Variants in ATP2C1 observed in about 807,000 individuals in gnomAD.
The protein encoded by ATP2C1 is ATPase secretory pathway Ca2+ transporting 1.
A neutral mutation model predicts 120.5 loss-of-function variants in ATP2C1; 31 were observed. The ratio of observed to expected loss-of-function variants is 0.26; its 90% CI spans 0.19 to 0.35. The LOEUF is 0.35. Ranked by LOEUF, ATP2C1 falls within the 10% of genes least tolerant of loss-of-function variation. The pLI is 1.00. For synonymous variants in ATP2C1, 351 were observed against 358.7 expected, an observed-to-expected ratio of 0.98 and a Z score of 0.24; for missense variants, 731 against 1,107.5, an observed-to-expected ratio of 0.66 and a Z score of 4.83.
At chr3:130,856,569 C>T (rs2067848558) in intron 1 of ATP2C1, among the ~76,000 whole-genome samples, 1 of 152,158 alleles carries the variant, frequency 6.6e-6, no homozygotes, top group African/African-American at 2.4e-5. Flanking sequence ...TTTGAAAAGT[C>T]ATGAAATGCT....
Position 131,001,452 on chromosome 3 carries a change from A to G in ATP2C1, c.*102A>G, listed in dbSNP as rs1224247984. 3.9e-5 allele frequency: 58 copies of G among 1,479,994 alleles called. No individual in the cohort carries two copies. The East Asian group carries it at 1.3e-3, about 34-fold the overall frequency. The allele number at this position is 1,479,994 out of a possible 1,614,324, so 91.7% of individuals were successfully genotyped here. On this transcript the variant is annotated 3_prime_UTR_variant, in exon 28 of 28. Transcript: ENST00000510168. ...ATGAAGATTTGAGAACTTTTTAACT[A>G]TTCATTGACTAAAAATGAACATTAA...
chr3:130,990,181 T>C (rs764101322), intron 20 of ATP2C1, among the ~76,000 whole-genome samples: 8 of 151,950 alleles, frequency 5.3e-5, no homozygotes, highest in Non-Finnish European at 1.2e-4. Flanking sequence ...TATTTGTCTT[T>C]ATAGAGCGCT....
chr3:130,979,868 C>T (rs940590270), intron 19 of ATP2C1, among the ~76,000 whole-genome samples: 10 of 151,898 alleles, frequency 6.6e-5, no homozygotes, highest in Admixed American at 2.0e-4. Context: ...TTAAGATTAC[C>T]GTAAGAAGTA....
intron 20 of ATP2C1, among the ~76,000 whole-genome samples, chr3:130,987,550 C>T (rs142248699): frequency 0.014 from 2,114 of 148,446 alleles, 45 homozygotes; most frequent in African/African-American, 0.05. Context: ...AGGTTGGTCT[C>T]AAACTCCTGG....
At position 130,969,368 on chromosome 3, in the gene ATP2C1, C is replaced by G; in HGVS notation, c.1385C>G (p.Ala462Gly). The change falls in exon 17 of 28, where the codon GCT becomes GGT. Residue 462 changes from alanine (A) to glycine (G), a missense_variant. This residue lies in a region of ATP2C1 where 571 missense variants were observed against 845.9 expected (regional missense o/e 0.67). Coordinates refer to ENST00000510168, the MANE Select transcript of ATP2C1 (RefSeq NM_001378687.1). ...TTTAGCTCTGAGCAAAAGTGGATGGCTGTTAAGTGTGTACACCGAACACAG... is the reference window on the plus strand; with the variant it reads ...TTTAGCTCTGAGCAAAAGTGGATGGGTGTTAAGTGTGTACACCGAACACAG... ...YPFSSEQKWM[A>G]VKCVHRTQQD... 6.2e-7 allele frequency: 1 copy of G among 1,613,822 alleles called. No individual in the cohort carries two copies. Among genetic ancestry groups the G allele is most frequent in the Non-Finnish European group, 8.5e-7 (1 of 1,179,800 alleles).
At chr3:130,984,190 C>T (rs1178204334) in intron 20 of ATP2C1, among the ~76,000 whole-genome samples, 1 of 152,084 alleles carries the variant, frequency 6.6e-6, no homozygotes, top group Non-Finnish European at 1.5e-5. Context: ...AACTGGAATC[C>T]AGGTCTGTAT....
At chr3:130,955,175 G>A in intron 10 of ATP2C1, 95 bp downstream of exon 10, 1 of 893,474 alleles carries the variant, frequency 1.1e-6, no homozygotes, top group East Asian at 2.5e-5. Flanking sequence ...ACTATTGAGA[G>A]CAATATTTTA....
In ATP2C1 at chr3:130,894,621, T is replaced by C. The variant is rs1576614454; in HGVS notation, c.-149T>C. ...CTGCTAGGGGTGGTGGGAGCAGCCG[T>C]GGGACGCGTGGCCGGGAGCGGGGGT... On this transcript the variant is annotated 5_prime_UTR_variant, in exon 2 of 28. Transcript: ENST00000510168. The surrounding 1 kb of genome is among the most constrained non-coding windows in gnomAD (Gnocchi z 4.5). The C allele has an allele frequency of 6.3e-7, 1 of 1,590,882 alleles. No homozygotes were observed.
intron 1 of ATP2C1, among the ~76,000 whole-genome samples, chr3:130,853,752 G>A (rs936938033): frequency 2.0e-5 from 3 of 152,086 alleles, no homozygotes; most frequent in African/African-American, 7.2e-5. Flanking sequence ...ATTTCATGTC[G>A]ATATTCGTGC....
intron 2 of ATP2C1, among the ~76,000 whole-genome samples, chr3:130,929,314 T>C (rs1021393351): frequency 2.0e-5 from 3 of 152,230 alleles, no homozygotes; most frequent in African/African-American, 4.8e-5. Flanking sequence ...AGACTTTTTT[T>C]CCTCAGCAAT....
At chr3:130,858,231 G>C (rs1230666769) in intron 1 of ATP2C1, among the ~76,000 whole-genome samples, 2 of 151,940 alleles carry the variant, frequency 1.3e-5, no homozygotes, top group Non-Finnish European at 2.9e-5. Context: ...TACCCTCATA[G>C]ACACATCCAG....
At chr3:130,982,914 T>TA (rs1290846080) in intron 20 of ATP2C1, among the ~76,000 whole-genome samples, 2 of 152,184 alleles carry the variant, frequency 1.3e-5, no homozygotes, top group Non-Finnish European at 2.9e-5. Flanking sequence ...GTTAACCTAT[T>TA]ATGACTTAAA....
Position 130,932,023 on chromosome 3 carries a change from C to T in ATP2C1, c.119C>T (p.Ala40Val), listed in dbSNP as rs1259435861. The T allele has an allele frequency of 1.3e-6, 2 of 1,594,016 alleles. No homozygotes were observed. The highest frequency in any genetic ancestry group is 1.7e-5 in the Admixed American group (1 of 59,984). The change falls in exon 4 of 28, where the codon GCT becomes GTT. Residue 40 changes from alanine to valine, a missense_variant and splice_region_variant. Around this residue, in one of 3 missense-constraint regions of ATP2C1, gnomAD observed 571 missense variants for 845.9 expected, o/e 0.67. Transcript: ENST00000510168. ...ACTTTCATGTATAAACTCTAATAGG[C>T]TGATCTTCAGAATGGTCTAAACAAA... ...PVSEVASILQ[A>V]DLQNGLNKCE...
intron 11 of ATP2C1, among the ~76,000 whole-genome samples, chr3:130,956,560 T>C (rs1226113010): frequency 6.6e-6 from 1 of 151,928 alleles, no homozygotes; most frequent in Non-Finnish European, 1.5e-5. Flanking sequence ...TGGGAAAACA[T>C]ATAAGAAGAC....
At chr3:130,941,337 G>A (rs2059911226) in intron 7 of ATP2C1, among the ~76,000 whole-genome samples, 1 of 151,996 alleles carries the variant, frequency 6.6e-6, no homozygotes, top group African/African-American at 2.4e-5. Flanking sequence ...CCTGTTCTGG[G>A]TATAGTGATT....
chr3:130,920,234 G>T (rs1000318188), intron 2 of ATP2C1, among the ~76,000 whole-genome samples: 13 of 152,094 alleles, frequency 8.5e-5, no homozygotes, highest in African/African-American at 1.2e-4. Context: ...TTATGCTTTT[G>T]GTATTAAATC....
At chr3:130,985,986 T>C (rs2061991184) in intron 20 of ATP2C1, among the ~76,000 whole-genome samples, 1 of 152,166 alleles carries the variant, frequency 6.6e-6, no homozygotes, top group Admixed American at 6.5e-5. Flanking sequence ...TTCAGGAGTT[T>C]AGACTTTAGG....
upstream of ATP2C1, among the ~76,000 whole-genome samples, chr3:130,889,932 T>C (rs1331428656): frequency 1.3e-5 from 2 of 152,174 alleles, no homozygotes; most frequent in African/African-American, 4.8e-5. Flanking sequence ...AGGTGTGAGA[T>C]GCACCAGAAA....
At chr3:130,995,870 C>T (rs1014416258) in intron 22 of ATP2C1, among the ~76,000 whole-genome samples, 173 bp from the exon 23 acceptor site, 3 of 152,154 alleles carry the variant, frequency 2.0e-5, no homozygotes, top group Admixed American at 6.5e-5. Flanking sequence ...GGTCCGAACT[C>T]GTGACCCCAG....
Sources: allele counts gnomAD v4.1 joint callset (sites outside exome capture counted in the v4.1 genomes callset), GRCh38; gene constraint gnomAD v4.1.1; regional missense constraint gnomAD v4.1.1; non-coding constraint Gnocchi (gnomAD v3.1); transcripts MANE v1.5; gene names NCBI Gene and HGNC (gene_info 2026-07-23, HGNC 2026-07-21).